Variants in MYOM3 observed in about 807,000 individuals in gnomAD.
The protein encoded by MYOM3 is myomesin 3.
Under a neutral mutation model 191.7 loss-of-function variants are expected in MYOM3, and 155 were observed. The observed-to-expected ratio is 0.81, with a 90% CI of 0.71 to 0.92. The LOEUF is 0.92. Ranked by LOEUF, MYOM3 falls within the 40% of genes least tolerant of loss-of-function variation. The pLI is 0.00. For missense variants in MYOM3, 1,889 were observed against 1,890.6 expected (o/e 1.00, Z 0.02); for synonymous variants, 757 against 762.9 (o/e 0.99, Z 0.13).
intron 20 of MYOM3, among the ~76,000 whole-genome samples, chr1:24,078,276 G>A (rs1643625687): frequency 6.6e-6 from 1 of 152,032 alleles, no homozygotes; most frequent in Admixed American, 6.6e-5. Context: ...CACCACACAT[G>A]GCTAATTTTT....
At chr1:24,092,378 C>T (rs1389469640) in intron 10 of MYOM3, 63 bp from the exon 11 acceptor site, 3 of 1,300,272 alleles carry the variant, frequency 2.3e-6, no homozygotes, top group Admixed American at 3.0e-5. Context: ...CAGGCCCTTC[C>T]CACTCCCGCC....
Position 24,082,119 on chromosome 1 carries a change from T to G in MYOM3, c.2162A>C (p.Lys721Thr). 1 of 1,613,768 alleles carries G rather than the reference T, an allele frequency of 6.2e-7. No homozygotes were observed. The highest frequency in any genetic ancestry group is 1.1e-5 in the South Asian group (1 of 90,984). ...GCCACCTCCACGACGCTTGGGGGGT[T>G]TCCACCCAATGACCATTTCATTCTT... ...CGKNEMVIGWKPPKRRGGGKI... is the reference protein window; with the variant it reads ...CGKNEMVIGWTPPKRRGGGKI... Residue 721 changes from lysine to threonine, a missense_variant, in exon 18 of 37, where the codon AAA becomes ACA. Physicochemically the swap from Lys to Thr is moderately conservative, Grantham distance 78. Coordinates refer to ENST00000374434, the MANE Select transcript of MYOM3 (RefSeq NM_152372.4).
Position 24,099,971 on chromosome 1 carries a change from A to T in MYOM3, c.561-196T>A, listed in dbSNP as rs60946805. On this transcript the variant is annotated intron_variant, in intron 5 of 36. Coordinates refer to ENST00000374434, the MANE Select transcript of MYOM3 (RefSeq NM_152372.4). ...CAACCTCCGCCTCTTGGGTTCAAGC[A>T]GTTCTCCCTGCCTCAGCCTCCTGAG... Among the ~76,000 whole-genome samples the T allele has an allele frequency of 4.4e-3, 677 of 152,160 alleles. 5 individuals are homozygous for T. The highest frequency in any genetic ancestry group is 0.015 in the African/African-American group (616 of 41,496).
At chr1:24,075,064 A>G (rs1232769595) in intron 22 of MYOM3, among the ~76,000 whole-genome samples, 1 of 150,982 alleles carries the variant, frequency 6.6e-6, no homozygotes, top group Non-Finnish European at 1.5e-5. Context: ...ATAGAGCAAG[A>G]CCCTGTCTCA....
At chr1:24,098,953 A>G (rs1295629380) in intron 6 of MYOM3, among the ~76,000 whole-genome samples, 1 of 152,160 alleles carries the variant, frequency 6.6e-6, no homozygotes, top group Non-Finnish European at 1.5e-5. Context: ...AGCCTGTTTC[A>G]TCACCTGCGA....
intron 14 of MYOM3, among the ~76,000 whole-genome samples, chr1:24,088,900 GAA>G (rs1643778432): frequency 6.6e-6 from 1 of 152,170 alleles, no homozygotes; most frequent in South Asian, 2.1e-4. Context: ...TATGCTGGAG[GAA>G]ACTGAGGCTC....
intron 35 of MYOM3, among the ~76,000 whole-genome samples, chr1:24,059,285 T>A (rs1643340401): frequency 6.6e-6 from 1 of 152,150 alleles, no homozygotes. Flanking sequence ...TAGGCATGCA[T>A]CAGCCCGCCT....
intron 24 of MYOM3, among the ~76,000 whole-genome samples, chr1:24,071,578 A>T (rs573500305): frequency 9.9e-5 from 15 of 152,256 alleles, no homozygotes; most frequent in African/African-American, 3.1e-4. Flanking sequence ...GGCATGGCCT[A>T]GGTATTGGGA....
At chr1:24,066,305 C>T in intron 28 of MYOM3, 2 of 699,692 alleles carry the variant, frequency 2.9e-6, no homozygotes, top group South Asian at 3.1e-5. Flanking sequence ...CCTGCCCCAT[C>T]CGGGTCAAGC....
rs1643990370 is a variant in MYOM3, at chr1:24,107,122, G to A, written c.353C>T (p.Thr118Ile). 6.2e-7 allele frequency: 1 copy of A among 1,612,642 alleles called. No homozygotes were observed. The highest frequency in any genetic ancestry group is 1.3e-5 in the African/African-American group (1 of 75,008). Residue 118 changes from threonine (T) to isoleucine (I), a missense_variant, in exon 4 of 37, where the codon ACC becomes ATC. Thr to Ile is a moderately conservative substitution (Grantham distance 89). Coordinates refer to ENST00000374434, the MANE Select transcript of MYOM3 (RefSeq NM_152372.4). ...CCGCCTCTGGCGCAGCAGCCGGTGG[G>A]TCTGCAGGAAGGCGATCTCAGTCCT... is the stretch of plus-strand genomic sequence containing the variant. ...WERTEIAFLQ[T>I]HRLLRQRRDW...
In MYOM3 at chr1:24,063,019, GAA is replaced by G. The variant is rs67138023; in HGVS notation, c.3770+105_3770+106del. On this transcript the variant is annotated intron_variant, in intron 32 of 36. Transcript: ENST00000374434. This position sits in a 1 kb window ranked among gnomAD's most constrained non-coding sequence, Gnocchi z 4.5. ...GGACCAGGCTCTGCTTGGGGGACCA[GAA>G]ACTCTGCTTGGAGGACCAGGCAGGG... 0.66 allele frequency: 478,086 copies of G among 724,874 alleles called. 161,284 individuals carry two copies. Among genetic ancestry groups the G allele is most frequent in the East Asian group, 0.95 (36,238 of 38,344 alleles). The allele number at this position is 724,874 out of a possible 1,614,324, so 44.9% of individuals were successfully genotyped here.
At chr1:24,076,521 T>TGAGACAGAG (rs1557606383) in intron 20 of MYOM3, among the ~76,000 whole-genome samples, 8 of 83,534 alleles carry the variant, frequency 9.6e-5, no homozygotes, top group African/African-American at 2.8e-4. Context: ...TTTTTTTTTT[T>TGAGACAGAG]TTTTTTTTTT....
intron 29 of MYOM3, among the ~76,000 whole-genome samples, chr1:24,065,220 G>T (rs969113193): frequency 3.3e-5 from 5 of 152,226 alleles, no homozygotes; most frequent in African/African-American, 1.2e-4. Flanking sequence ...TTTGGGAGAA[G>T]ACCTTGAAAT....
Position 24,067,990 on chromosome 1 carries a change from C to T in MYOM3, c.3335G>A (p.Arg1112Lys). The T allele has an allele frequency of 6.2e-7, 1 of 1,614,232 alleles. No homozygotes were observed. The highest frequency in any genetic ancestry group is 8.5e-7 in the Non-Finnish European group (1 of 1,180,026). The change falls in exon 27 of 37, where the codon AGG becomes AAG. Residue 1112 changes from arginine to lysine, a missense_variant. Transcript: ENST00000374434. ...CTTACCCTGTTTTCTCTTCCAGTCCCTTCTCTTAGCATCTGCCTTCCTCAG... is the reference window on the plus strand; with the variant it reads ...CTTACCCTGTTTTCTCTTCCAGTCCTTTCTCTTAGCATCTGCCTTCCTCAG... The part of the protein sequence containing the change: ...KLLRKADAKR[R>K]DWKRKQGPYF...
intron 20 of MYOM3, among the ~76,000 whole-genome samples, chr1:24,076,940 G>A (rs1643608546): frequency 1.3e-5 from 2 of 152,150 alleles, no homozygotes; most frequent in Non-Finnish European, 2.9e-5. Flanking sequence ...TCCTGCCTCA[G>A]CCTCCCAAGT....
In MYOM3 at chr1:24,057,545, A is replaced by C. The variant is rs771203800; in HGVS notation, c.4133T>G (p.Leu1378Arg). 1.2e-6 allele frequency: 2 copies of C among 1,614,192 alleles called. No individual in the cohort carries two copies. Among genetic ancestry groups the C allele is most frequent in the South Asian group, 2.2e-5 (2 of 91,080 alleles). Residue 1378 changes from leucine (L) to arginine (R), a missense_variant, in exon 37 of 37, where the codon CTT (leucine) becomes CGT (arginine). Coordinates refer to ENST00000374434, the MANE Select transcript of MYOM3 (RefSeq NM_152372.4). ...CCTCACTTCCATGCGGTATCGGTCA[A>C]GGAAGGTGACAGGCTGGTCATTCTT... is the stretch of plus-strand genomic sequence containing the variant. ...WLKNDQPVTF[L>R]DRYRMEVRGT... is the part of the protein sequence containing the mutation.
rs1200109027 is a variant in MYOM3 at position 24,063,119 on chromosome 1, GACTT to G, written c.3770+3_3770+6del. ...CTGGCTGGGGTTCTGGGGCAAGGCG[GACTT>G]ACTTGTGGAACCAGGTGGTTTTCAT... On this transcript the variant is annotated splice_donor_5th_base_variant and intron_variant, in intron 32 of 36. Transcript: ENST00000374434. The surrounding 1 kb of genome is among the most constrained non-coding windows in gnomAD (Gnocchi z 4.5). 3 of 1,595,242 alleles carry G rather than the reference GACTT, an allele frequency of 1.9e-6. No individual in the cohort carries two copies. Among genetic ancestry groups the G allele is most frequent in the Non-Finnish European group, 2.6e-6 (3 of 1,163,736 alleles).
At chr1:24,071,353 A>G in intron 24 of MYOM3, 100 bp from the exon 25 acceptor site, 1 of 1,417,298 alleles carries the variant, frequency 7.1e-7, no homozygotes, top group East Asian at 2.5e-5. Context: ...TCTGACATGC[A>G]AAACCTTTAG....
intron 25 of MYOM3, among the ~76,000 whole-genome samples, chr1:24,069,671 A>T (rs1236477165): frequency 6.8e-6 from 1 of 147,592 alleles, no homozygotes; most frequent in East Asian, 2.0e-4. Context: ...GTACAGTGGC[A>T]CGATTTTGGC....
Sources: gnomAD v4.1 joint callset for allele counts (sites outside exome capture counted in the v4.1 genomes callset) on GRCh38, gnomAD v4.1.1 for gene constraint, Gnocchi (gnomAD v3.1) non-coding constraint, MANE v1.5 for transcripts, NCBI Gene and HGNC (gene_info 2026-07-23, HGNC 2026-07-21) for gene names.